Variants in PTPN22 observed in about 807,000 individuals in gnomAD.
PTPN22 encodes tyrosine-protein phosphatase non-receptor type 22.
In PTPN22, 85 loss-of-function variants were observed where a neutral mutation model predicts 103.3. The observed-to-expected ratio is 0.82, with a 90% CI of 0.69 to 0.99. The LOEUF (loss-of-function observed/expected upper bound fraction) is 0.99, where lower values mean the gene tolerates loss of function less well. PTPN22 is among the 50% of genes least tolerant of loss of function. The pLI is 0.00. For synonymous variants in PTPN22, 323 were observed against 310.2 expected (o/e 1.04, Z -0.43); for missense variants, 865 against 936.9 (o/e 0.92, Z 1.00).
intron 1 of PTPN22, among the ~76,000 whole-genome samples, chr1:113,863,175 C>T (rs1175253869): frequency 2.0e-5 from 3 of 152,170 alleles, no homozygotes; most frequent in African/African-American, 4.8e-5. Flanking sequence ...TCACTGCAAC[C>T]TCTGCCTCCC....
rs1662371119 is a variant in PTPN22 at position 113,829,579 on chromosome 1, T to C, written c.2250+13A>G. On this transcript the variant is annotated intron_variant, in intron 18 of 20. Transcript: ENST00000359785. ...GTTTCCGGCATGTTTCCCAAAACTC[T>C]TATCTTCTTTACCTTACTCCTTGTG... 2 of 1,493,088 alleles carry C rather than the reference T, an allele frequency of 1.3e-6. No individual in the cohort carries two copies. The highest frequency in any genetic ancestry group is 4.5e-5 in the East Asian group (2 of 43,982). The allele number at this position is 1,493,088 out of a possible 1,614,324, so 92.5% of individuals were successfully genotyped here.
chr1:113,815,190 T>C (rs1336412787), intron 20 of PTPN22, among the ~76,000 whole-genome samples: 1 of 152,150 alleles, frequency 6.6e-6, no homozygotes, highest in Non-Finnish European at 1.5e-5. Flanking sequence ...GAAGAGCACT[T>C]ACAAATTTAA....
chr1:113,869,397 C>A (rs1037889605), intron 1 of PTPN22, among the ~76,000 whole-genome samples: 1 of 64,250 alleles, frequency 1.6e-5, no homozygotes, highest in Non-Finnish European at 2.6e-5. Context: ...ATATAGTCTA[C>A]ATTTTTTTTT....
chr1:113,840,980 T>C lies in PTPN22; in HGVS notation c.916-2360A>G, dbSNP rs574477306. ...TGGCTCATGCCTGTAATCCCAGCAC[T>C]TTGGGAGGCTGAGGCGGGTGGATCA... On this transcript the variant is annotated intron_variant, in intron 11 of 20. Transcript: ENST00000359785. 4.3e-4 allele frequency among the ~76,000 whole-genome samples: 65 copies of C among 152,284 alleles called. No individual in the cohort carries two copies. In the East Asian group the frequency reaches 0.012, roughly 29 times the overall value.
At chr1:113,839,469 G>A (rs765319027) in intron 11 of PTPN22, among the ~76,000 whole-genome samples, 27 of 151,502 alleles carry the variant, frequency 1.8e-4, no homozygotes, top group Non-Finnish European at 3.7e-4. Context: ...GGCTCACTGC[G>A]GTGTTGACCT....
chr1:113,855,311 A>T (rs529445983), intron 7 of PTPN22, among the ~76,000 whole-genome samples: 1 of 152,226 alleles, frequency 6.6e-6, no homozygotes, highest in South Asian at 2.1e-4. Context: ...CCTGGCCAAC[A>T]TGGGGAAACC....
At chr1:113,840,142 C>T (rs560993710) in intron 11 of PTPN22, among the ~76,000 whole-genome samples, 30 of 148,280 alleles carry the variant, frequency 2.0e-4, no homozygotes, top group African/African-American at 7.3e-4. Flanking sequence ...GCCCAGGAGG[C>T]GGAGGTTGAA....
At chr1:113,825,783 A>G (rs985403604) in intron 18 of PTPN22, among the ~76,000 whole-genome samples, 4 of 151,944 alleles carry the variant, frequency 2.6e-5, no homozygotes, top group African/African-American at 9.7e-5. Context: ...GCGTGATCTC[A>G]GCTCACTGCA....
intron 1 of PTPN22, among the ~76,000 whole-genome samples, chr1:113,863,918 TATATA>T (rs1181847761): frequency 1.1e-4 from 11 of 100,078 alleles, no homozygotes; most frequent in African/African-American, 6.3e-4. Flanking sequence ...TATATATATA[TATATA>T]TATATTTTTT....
chr1:113,869,656 A>T (rs200080043), intron 1 of PTPN22, among the ~76,000 whole-genome samples: 4 of 152,126 alleles, frequency 2.6e-5, no homozygotes, highest in Admixed American at 2.6e-4. Flanking sequence ...CGGCCTCCCA[A>T]AGTGCTGGGT....
At chr1:113,819,728 A>C (rs994042600) in intron 19 of PTPN22, 74 bp from the exon 20 acceptor site, 1 of 947,964 alleles carries the variant, frequency 1.1e-6, no homozygotes, top group Non-Finnish European at 1.5e-6. Context: ...GATCACATAT[A>C]ATTGTTAAGA....
At chr1:113,830,861 G>GT (rs1167077398) in intron 16 of PTPN22, among the ~76,000 whole-genome samples, 5 of 152,104 alleles carry the variant, frequency 3.3e-5, no homozygotes, top group African/African-American at 1.2e-4. Context: ...TGAAAATGCA[G>GT]TAAAGTACAA....
intron 18 of PTPN22, chr1:113,829,234 A>ATTTATT (rs958673098): frequency 6.7e-6 from 1 of 149,758 alleles, no homozygotes; most frequent in African/African-American, 2.5e-5. Context: ...TTTTTTCTTC[A>ATTTATT]TTTATTTTTA....
chr1:113,834,388 T>G, exon 15 of PTPN22: 2 of 1,613,716 alleles, frequency 1.2e-6, no homozygotes, highest in Non-Finnish European at 1.7e-6. Context: ...TGTTCCAATT[T>G]TTACCTTCAC....
rs141088820 is a variant in PTPN22, at chr1:113,840,995, C to T, written c.916-2375G>A. Among the ~76,000 whole-genome samples, 436 of 152,208 alleles carry T rather than the reference C, an allele frequency of 2.9e-3. 8 individuals are homozygous for T. The highest frequency in any genetic ancestry group is 0.019 in the East Asian group (96 of 5,184). On this transcript the variant is annotated intron_variant, in intron 11 of 20. Coordinates refer to ENST00000359785, the Ensembl canonical transcript of PTPN22. ...ATCCCAGCACTTTGGGAGGCTGAGG[C>T]GGGTGGATCACCTGAGGTCAGGAGT... is the stretch of plus-strand genomic sequence containing the variant.
At chr1:113,838,822 G>T (rs111926467) in intron 11 of PTPN22, among the ~76,000 whole-genome samples, 3 of 152,154 alleles carry the variant, frequency 2.0e-5, no homozygotes, top group African/African-American at 4.8e-5. Context: ...AGGATTAATA[G>T]TATTATAGAA....
intron 3 of PTPN22, 68 bp from the exon 4 acceptor site, chr1:113,858,641 T>TA: frequency 1.0e-6 from 1 of 979,968 alleles, no homozygotes; most frequent in South Asian, 1.7e-5. Context: ...GTCCTCCGCT[T>TA]CCTTTTTTTT....
At position 113,846,598 on chromosome 1, in the gene PTPN22, T is replaced by C. The variant is rs767341085; in HGVS notation, c.915+1942A>G. ...CTTTCTTCCTTCTTTCATCATTCCC[T>C]TTCGGTTTAGAAAGTTTCCTTTGCC... On this transcript the variant is annotated intron_variant, in intron 11 of 20. Coordinates refer to ENST00000359785, the Ensembl canonical transcript of PTPN22. Among the ~76,000 whole-genome samples, 134 of 152,326 alleles carry C rather than the reference T, an allele frequency of 8.8e-4. 1 individual carries two copies. The highest frequency in any genetic ancestry group is 1.5e-3 in the Non-Finnish European group (101 of 68,014).
intron 20 of PTPN22, among the ~76,000 whole-genome samples, chr1:113,816,724 C>T (rs1259642186): frequency 6.6e-6 from 1 of 152,114 alleles, no homozygotes; most frequent in Non-Finnish European, 1.5e-5. Context: ...GCCTGGCCAA[C>T]ATGATGAAAC....
Sources: allele counts gnomAD v4.1 joint callset (sites outside exome capture counted in the v4.1 genomes callset), GRCh38; gene constraint gnomAD v4.1.1; transcripts MANE v1.5; gene names NCBI Gene and HGNC (gene_info 2026-07-23, HGNC 2026-07-21).